Variants in DNAAF9 observed in about 807,000 individuals in gnomAD.
DNAAF9 encodes shulin.
DNAAF9 carries 90 observed loss-of-function variants against 167.0 expected under a neutral mutation model. The ratio of observed to expected loss-of-function variants is 0.54; its 90% CI spans 0.45 to 0.64. The LOEUF is 0.64. DNAAF9 is among the 30% of genes least tolerant of loss of function. The probability of loss-of-function intolerance (pLI) is 0.00; values close to 1 mark genes in which losing one functional copy is unlikely to be tolerated. For synonymous variants in DNAAF9, 491 were observed against 508.8 expected (o/e 0.96, Z 0.47); for missense variants, 1,315 against 1,442.2 (o/e 0.91, Z 1.43).
At position 3,332,366 on chromosome 20, in the gene DNAAF9, A is replaced by G. The variant is rs755282299; in HGVS notation, c.982-5T>C. 31 of 1,559,092 alleles carry G rather than the reference A, an allele frequency of 2.0e-5. No homozygotes were observed. The East Asian group carries it at 5.8e-4, about 29-fold the overall frequency. ...TGGTGAGACACACTGGGCTACCTGGATGTCAGAAAAAAATAAAAATAAAAA... is the reference window on the plus strand; with the variant it reads ...TGGTGAGACACACTGGGCTACCTGGGTGTCAGAAAAAAATAAAAATAAAAA... On this transcript the variant is annotated splice_polypyrimidine_tract_variant and splice_region_variant and intron_variant, in intron 10 of 36. Transcript: ENST00000252032.
At chr20:3,387,531 A>C (rs971885143) in intron 1 of DNAAF9, among the ~76,000 whole-genome samples, 2 of 152,204 alleles carry the variant, frequency 1.3e-5, no homozygotes, top group Admixed American at 6.5e-5. Flanking sequence ...TAAAACTATA[A>C]AACTTTTATA....
Position 3,303,580 on chromosome 20 carries a change from T to C in DNAAF9, c.1782+860A>G, listed in dbSNP as rs56922670. ...AATAGGGCCATCCAATGTGTCCAAT[T>C]GGTCTGCCTACATTTCTGAACAGCC... On this transcript the variant is annotated intron_variant, in intron 21 of 36. Transcript: ENST00000252032. 3.0e-3 allele frequency among the ~76,000 whole-genome samples: 450 copies of C among 152,348 alleles called. 3 individuals carry two copies. The highest frequency in any genetic ancestry group is 8.4e-3 in the African/African-American group (351 of 41,584).
chr20:3,397,891 G>A (rs1003874477), intron 1 of DNAAF9, among the ~76,000 whole-genome samples: 9 of 152,104 alleles, frequency 5.9e-5, no homozygotes, highest in Non-Finnish European at 8.8e-5. Flanking sequence ...TGCATTTGTA[G>A]CTCTCCTTTG....
chr20:3,252,562 C>A lies in DNAAF9; in HGVS notation c.*10G>T. 2 of 1,460,612 alleles carry A rather than the reference C, an allele frequency of 1.4e-6. No individual in the cohort carries two copies. Among genetic ancestry groups the A allele is most frequent in the Non-Finnish European group, 1.9e-6 (2 of 1,039,828 alleles). The allele number at this position is 1,460,612 out of a possible 1,614,324, so 90.5% of individuals were successfully genotyped here. On this transcript the variant is annotated 3_prime_UTR_variant, in exon 37 of 37. Coordinates refer to ENST00000252032, the MANE Select transcript of DNAAF9 (RefSeq NM_001009984.3). ...GGACATTCTGCAGGACGTACGGGCC[C>A]AGCCTTCCTCTAGGGCTTCAGCTCA...
rs2068180577 is a variant in DNAAF9 at position 3,250,570 on chromosome 20, A to C, written c.*2002T>G. 1 of 152,254 alleles carries C rather than the reference A, an allele frequency of 6.6e-6. No individual in the cohort carries two copies. The highest frequency in any genetic ancestry group is 6.5e-5 in the Admixed American group (1 of 15,280). 9.4% of individuals were successfully genotyped at this position (152,254 alleles called of 1,614,324 possible). A position where few individuals can be genotyped will look rare whatever the true frequency, so the allele number is the denominator to read the frequency against. On this transcript the variant is annotated 3_prime_UTR_variant, in exon 37 of 37. Coordinates refer to ENST00000252032, the MANE Select transcript of DNAAF9 (RefSeq NM_001009984.3). ...TCTCTAAGAGGAGAGGAGTTGGGAC[A>C]GTGGGGCAAGTTGGTGAGAGAGCAT...
Position 3,382,498 on chromosome 20 carries a change from C to A in DNAAF9, c.92G>T (p.Arg31Leu). 6.2e-7 allele frequency: 1 copy of A among 1,613,594 alleles called. No homozygotes were observed. Among genetic ancestry groups the A allele is most frequent in the East Asian group, 2.2e-5 (1 of 44,874 alleles). Reference sequence around the variant, plus strand: ...CAGGATGCTCTGAACCTGCCGAAGTCGACTGCAGCTGCAACAAGAACAGAA... The same window carrying A: ...CAGGATGCTCTGAACCTGCCGAAGTAGACTGCAGCTGCAACAAGAACAGAA... ...SRGSPSVSCS[R>L]LRQVQSILTQ... Residue 31 changes from arginine to leucine, a missense_variant, in exon 2 of 37, where the codon CGA (arginine) becomes CTA (leucine). Transcript: ENST00000252032.
At chr20:3,252,967 C>T (rs1217698243) in intron 36 of DNAAF9, among the ~76,000 whole-genome samples, 1 of 152,216 alleles carries the variant, frequency 6.6e-6, no homozygotes, top group African/African-American at 2.4e-5. Context: ...AGGCTGTCTT[C>T]GACTTGTAAA....
chr20:3,281,080 G>A (rs1568575172), intron 28 of DNAAF9, among the ~76,000 whole-genome samples: 2 of 151,954 alleles, frequency 1.3e-5, no homozygotes, highest in Non-Finnish European at 1.5e-5. Context: ...CCAGGCTGGG[G>A]TGCAGTGGCA....
chr20:3,398,908 G>A (rs2083946294), intron 1 of DNAAF9, among the ~76,000 whole-genome samples: 1 of 152,194 alleles, frequency 6.6e-6, no homozygotes, highest in South Asian at 2.1e-4. Flanking sequence ...GTCTTTGCTG[G>A]AGGAATAACC....
intron 1 of DNAAF9, among the ~76,000 whole-genome samples, chr20:3,390,855 A>G (rs1374381575): frequency 6.6e-6 from 1 of 152,188 alleles, no homozygotes; most frequent in Admixed American, 6.5e-5. Context: ...TGATCTTGCA[A>G]TCATTCTCTG....
intron 35 of DNAAF9, among the ~76,000 whole-genome samples, 195 bp downstream of exon 35, chr20:3,255,024 G>T (rs572215569): frequency 2.0e-5 from 3 of 152,310 alleles, no homozygotes; most frequent in African/African-American, 7.2e-5. Flanking sequence ...TCACACCAGA[G>T]GTCTCCTGTG....
At chr20:3,305,917 G>A (rs1313706377) in intron 20 of DNAAF9, among the ~76,000 whole-genome samples, 2 of 152,064 alleles carry the variant, frequency 1.3e-5, no homozygotes, top group Non-Finnish European at 2.9e-5. Context: ...GCCTTTTCCT[G>A]AGGCCCTCTG....
chr20:3,369,080 G>C (rs957750913), intron 6 of DNAAF9, among the ~76,000 whole-genome samples: 1 of 150,570 alleles, frequency 6.6e-6, no homozygotes, highest in Non-Finnish European at 1.5e-5. Context: ...AGTGAGCCAA[G>C]ATCGTGCCAT....
At position 3,290,787 on chromosome 20, in the gene DNAAF9, CTTTTTTTTTTT is replaced by C. The variant is rs548143543; in HGVS notation, c.2239-581_2239-571del. 1.5e-5 allele frequency among the ~76,000 whole-genome samples: 2 copies of C among 135,326 alleles called. 1 individual carries two copies. The highest frequency in any genetic ancestry group is 4.7e-4 in the South Asian group (2 of 4,238). 88.8% of individuals were successfully genotyped at this position (135,326 alleles called of 152,430 possible). A position where few individuals can be genotyped will look rare whatever the true frequency, so the allele number is the denominator to read the frequency against. On this transcript the variant is annotated intron_variant, in intron 25 of 36. Transcript: ENST00000252032. Reference sequence around the variant, plus strand: ...CCAAGTCACACGGTCAGGGCTAAGTCTTTTTTTTTTTTTTTTTTTGAGATGGAGTCTCACTC... The same window carrying C: ...CCAAGTCACACGGTCAGGGCTAAGTCTTTTTTTTGAGATGGAGTCTCACTC...
At chr20:3,303,807 G>A (rs1718509483) in intron 21 of DNAAF9, among the ~76,000 whole-genome samples, 1 of 152,250 alleles carries the variant, frequency 6.6e-6, no homozygotes, top group South Asian at 2.1e-4. Context: ...CAGGGTAAAG[G>A]CTAGGGGAAA....
At chr20:3,386,379 G>A (rs1278050412) in intron 1 of DNAAF9, among the ~76,000 whole-genome samples, 3 of 152,166 alleles carry the variant, frequency 2.0e-5, no homozygotes, top group Non-Finnish European at 4.4e-5. Flanking sequence ...ATTCAATGTT[G>A]GATGGATAGT....
Position 3,332,272 on chromosome 20 carries a change from G to A in DNAAF9, c.1063+8C>T, listed in dbSNP as rs2069844044. On this transcript the variant is annotated splice_region_variant and intron_variant, in intron 11 of 36. Coordinates refer to ENST00000252032, the MANE Select transcript of DNAAF9 (RefSeq NM_001009984.3). The stretch of plus-strand genomic sequence containing the variant: ...AAGCTGATGAGATGACAACTTATAG[G>A]GACTTACCCAAGTAAGGAACATGAG... 2.1e-6 allele frequency: 3 copies of A among 1,452,882 alleles called. No individual in the cohort carries two copies. The highest frequency in any genetic ancestry group is 2.9e-6 in the Non-Finnish European group (3 of 1,033,850). 90.0% of individuals were successfully genotyped at this position (1,452,882 alleles called of 1,614,324 possible). A position where few individuals can be genotyped will look rare whatever the true frequency, so the allele number is the denominator to read the frequency against.
At chr20:3,328,656 T>C (rs1356166885) in intron 12 of DNAAF9, among the ~76,000 whole-genome samples, 1 of 152,084 alleles carries the variant, frequency 6.6e-6, no homozygotes, top group East Asian at 1.9e-4. Context: ...GGACAGTGGC[T>C]AAGCAGCGCT....
rs750517706 is a variant in DNAAF9, at chr20:3,281,737, G to A, written c.2516C>T (p.Ala839Val). 1.7e-5 allele frequency: 28 copies of A among 1,612,092 alleles called. No homozygotes were observed. Among genetic ancestry groups the A allele is most frequent in the Non-Finnish European group, 4.2e-6 (5 of 1,179,220 alleles). ...GYTDVIDVVQ[A>V]LQTHPDSNVK... is the part of the protein sequence containing the mutation. ...ATTTGAGTCTGGGTGGGTCTGCAGG[G>A]CCTGGACAACATCAATAACATCTGT... Residue 839 changes from alanine (A) to valine (V), a missense_variant, in exon 28 of 37, where the codon GCC (alanine) becomes GTC (valine). Coordinates refer to ENST00000252032, the MANE Select transcript of DNAAF9 (RefSeq NM_001009984.3).
Sources: gnomAD v4.1 joint callset for allele counts (sites outside exome capture counted in the v4.1 genomes callset) on GRCh38, gnomAD v4.1.1 for gene constraint, MANE v1.5 for transcripts, NCBI Gene and HGNC (gene_info 2026-07-23, HGNC 2026-07-21) for gene names.